ROBO1: variants seen among roughly 807,000 people sequenced by gnomAD.
ROBO1 encodes the protein roundabout homolog 1.
A neutral mutation model predicts 195.9 loss-of-function variants in ROBO1; 149 were observed. The ratio of observed to expected loss-of-function variants is 0.76; its 90% confidence interval spans 0.67 to 0.87. The LOEUF is 0.87. ROBO1 is among the 40% of genes least tolerant of loss of function. The pLI is 0.00. For missense variants in ROBO1, 1,933 were observed against 2,068.3 expected (o/e 0.93, Z 1.27); for synonymous variants, 816 against 733.2 (o/e 1.11, Z -1.82).
At chr3:79,301,888 A>G (rs1261550285) in intron 2 of ROBO1, among the ~76,000 whole-genome samples, 3 of 152,178 alleles carry the variant, frequency 2.0e-5, no homozygotes, top group African/African-American at 7.2e-5. Context: ...TCAATATAAT[A>G]AAATGCTAGT....
intron 2 of ROBO1, among the ~76,000 whole-genome samples, chr3:79,354,847 T>G (rs553834720): frequency 1.3e-5 from 2 of 152,284 alleles, no homozygotes; most frequent in African/African-American, 4.8e-5. Context: ...TGTAGATTTG[T>G]GGGTCATTAG....
chr3:78,804,018 T>G (rs1309158516), intron 4 of ROBO1, among the ~76,000 whole-genome samples: 1 of 152,164 alleles, frequency 6.6e-6, no homozygotes, highest in Non-Finnish European at 1.5e-5. Context: ...TGCCATAGAG[T>G]GTGGTGTCTT....
intron 2 of ROBO1, among the ~76,000 whole-genome samples, chr3:79,300,431 T>C (rs1448781310): frequency 1.3e-5 from 2 of 152,226 alleles, no homozygotes; most frequent in African/African-American, 4.8e-5. Flanking sequence ...GCTCGATTTC[T>C]CACTGGGCGT....
intron 10 of ROBO1, among the ~76,000 whole-genome samples, chr3:78,675,877 T>C (rs2107754481): frequency 6.6e-6 from 1 of 152,186 alleles, no homozygotes; most frequent in Non-Finnish European, 1.5e-5. Flanking sequence ...CCTCCTCAAG[T>C]GGGTCCCTGA....
At chr3:79,569,824 C>T (rs1184234178) in intron 2 of ROBO1, among the ~76,000 whole-genome samples, 3 of 152,000 alleles carry the variant, frequency 2.0e-5, no homozygotes, top group Non-Finnish European at 2.9e-5. Context: ...TTCGGCCTGG[C>T]ACGGTGGCTC....
At chr3:79,470,464 A>G (rs1938209977) in intron 2 of ROBO1, among the ~76,000 whole-genome samples, 1 of 152,172 alleles carries the variant, frequency 6.6e-6, no homozygotes, top group Non-Finnish European at 1.5e-5. Context: ...AATGTAAATG[A>G]CGAGTTAATG....
chr3:79,600,700 G>A (rs1944314886), intron 1 of ROBO1, among the ~76,000 whole-genome samples: 1 of 151,326 alleles, frequency 6.6e-6, no homozygotes, highest in South Asian at 2.1e-4. Context: ...CAGCTATGAT[G>A]TACATTAAAG....
At chr3:79,496,044 C>A (rs1384016766) in intron 2 of ROBO1, among the ~76,000 whole-genome samples, 2 of 151,818 alleles carry the variant, frequency 1.3e-5, no homozygotes, top group East Asian at 3.9e-4. Flanking sequence ...GAAACCCCGT[C>A]TCTACTAAAA....
chr3:79,703,115 G>T (rs779730606), intron 1 of ROBO1, among the ~76,000 whole-genome samples: 6 of 151,830 alleles, frequency 4.0e-5, no homozygotes, highest in Non-Finnish European at 7.4e-5. Flanking sequence ...ATTCTAAAGG[G>T]TCTAAAATCT....
intron 2 of ROBO1, among the ~76,000 whole-genome samples, chr3:79,357,477 G>C (rs2035603133): frequency 6.6e-6 from 1 of 152,046 alleles, no homozygotes; most frequent in African/African-American, 2.4e-5. Flanking sequence ...ATTACAAGGA[G>C]GTCATGGTTT....
chr3:78,883,245 A>T (rs1242650821), intron 4 of ROBO1, among the ~76,000 whole-genome samples: 1 of 65,636 alleles, frequency 1.5e-5, no homozygotes, highest in Admixed American at 1.3e-4. Flanking sequence ...TTCTGTTGGT[A>T]AAAAAAAAAA....
chr3:78,636,185 G>T (rs2107533532), intron 22 of ROBO1, 77 bp from the exon 23 acceptor site: 2 of 1,068,726 alleles, frequency 1.9e-6, no homozygotes, highest in South Asian at 3.3e-5. Flanking sequence ...ACGTAGCTTT[G>T]CGAGTCATCA....
chr3:78,720,218 T>C (rs2082008585), intron 5 of ROBO1, among the ~76,000 whole-genome samples: 1 of 152,210 alleles, frequency 6.6e-6, no homozygotes, highest in Non-Finnish European at 1.5e-5. Flanking sequence ...CAATGCCTTG[T>C]AAATAGTAAA....
At chr3:79,648,032 T>C (rs1167166471) in intron 1 of ROBO1, among the ~76,000 whole-genome samples, 1 of 152,056 alleles carries the variant, frequency 6.6e-6, no homozygotes, top group Admixed American at 6.6e-5. Flanking sequence ...GGAAAATTGG[T>C]TTTGCTATAT....
At chr3:78,711,385 TCC>T (rs1559773370) in intron 8 of ROBO1, among the ~76,000 whole-genome samples, 412 of 44,054 alleles carry the variant, frequency 9.4e-3, no homozygotes, top group South Asian at 0.015. Flanking sequence ...CTTCCTTCCT[TCC>T]TTCCTTCCTT....
intron 1 of ROBO1, among the ~76,000 whole-genome samples, chr3:79,619,437 C>G (rs531421995): frequency 7.2e-5 from 11 of 152,270 alleles, no homozygotes; most frequent in South Asian, 2.1e-4. Context: ...TGCAACACTG[C>G]TTGGCCCCCA....
chr3:78,875,708 A>G (rs760477707), intron 4 of ROBO1, among the ~76,000 whole-genome samples: 3 of 152,096 alleles, frequency 2.0e-5, no homozygotes, highest in Non-Finnish European at 2.9e-5. Context: ...CATTCATTCA[A>G]TTTGGTTTTA....
At chr3:78,698,390 C>T (rs906759964) in intron 8 of ROBO1, among the ~76,000 whole-genome samples, 1 of 152,002 alleles carries the variant, frequency 6.6e-6, no homozygotes, top group East Asian at 1.9e-4. Flanking sequence ...AACTTAAAAG[C>T]CTGTCATTAT....
chr3:78,811,904 G>A (rs977778039), intron 4 of ROBO1, among the ~76,000 whole-genome samples: 1 of 151,910 alleles, frequency 6.6e-6, no homozygotes, highest in African/African-American at 2.4e-5. Flanking sequence ...GTATGTGTTC[G>A]CATTATAGTC....
Sources: gnomAD v4.1 joint callset for allele counts (sites outside exome capture counted in the v4.1 genomes callset) on GRCh38, gnomAD v4.1.1 for gene constraint, MANE v1.5 for transcripts, NCBI Gene and HGNC (gene_info 2026-07-23, HGNC 2026-07-21) for gene names.